MSRB3: variants seen among roughly 807,000 people sequenced by gnomAD.
MSRB3 encodes the protein methionine-R-sulfoxide reductase B3.
A neutral mutation model predicts 21.0 loss-of-function variants in MSRB3; 13 were observed. The ratio of observed to expected loss-of-function variants is 0.62; its 90% CI spans 0.40 to 0.98. The LOEUF is 0.98. MSRB3 is among the 50% of genes least tolerant of loss of function. The pLI is 0.00. For missense variants in MSRB3, 199 were observed against 230.3 expected (o/e 0.86, Z 0.88); for synonymous variants, 87 against 88.6 (o/e 0.98, Z 0.10).
At chr12:65,345,362 T>C (rs1876419147) in intron 4 of MSRB3, among the ~76,000 whole-genome samples, 1 of 152,056 alleles carries the variant, frequency 6.6e-6, no homozygotes, top group Non-Finnish European at 1.5e-5. Flanking sequence ...GATGGCTCAT[T>C]GGGAAACACC....
At chr12:65,451,723 G>A (rs1403043929) in intron 5 of MSRB3, among the ~76,000 whole-genome samples, 1 of 152,180 alleles carries the variant, frequency 6.6e-6, no homozygotes, top group Non-Finnish European at 1.5e-5. Flanking sequence ...AGTGCAGTGA[G>A]AAACTAGCAT....
chr12:65,350,154 T>G (rs1002276504), intron 4 of MSRB3, among the ~76,000 whole-genome samples: 2 of 151,798 alleles, frequency 1.3e-5, no homozygotes, highest in Non-Finnish European at 2.9e-5. Context: ...CAGCACCATT[T>G]ATTAAATAGG....
intron 6 of MSRB3, among the ~76,000 whole-genome samples, chr12:65,460,959 T>G (rs1344531098): frequency 6.6e-6 from 1 of 152,004 alleles, no homozygotes; most frequent in Non-Finnish European, 1.5e-5. Flanking sequence ...ATCCTCACTA[T>G]GCTTTATTTT....
Position 65,464,146 on chromosome 12 carries a change from C to T in MSRB3, c.*824C>T. 1 of 152,432 alleles carries T rather than the reference C, an allele frequency of 6.6e-6. No individual in the cohort carries two copies. Among genetic ancestry groups the T allele is most frequent in the Non-Finnish European group, 1.5e-5 (1 of 68,180 alleles). The allele number at this position is 152,432 out of a possible 1,614,324, so 9.4% of individuals were successfully genotyped here. A position where few individuals can be genotyped will look rare whatever the true frequency, so the allele number is the denominator to read the frequency against. On this transcript the variant is annotated 3_prime_UTR_variant, in exon 7 of 7. Coordinates refer to ENST00000308259, the MANE Select transcript of MSRB3 (RefSeq NM_001031679.3). ...AAAATTAGCCAGGCGTGGTGGTGGG[C>T]ACCTGTAGTCCCAGCTACTCAGGAG... is the stretch of plus-strand genomic sequence containing the variant.
intron 4 of MSRB3, among the ~76,000 whole-genome samples, chr12:65,351,923 A>T (rs896824632): frequency 6.6e-6 from 1 of 152,192 alleles, no homozygotes; most frequent in Non-Finnish European, 1.5e-5. Flanking sequence ...AAACTATTCC[A>T]ATCTATAGAA....
At chr12:65,416,329 G>A (rs142549566) in intron 5 of MSRB3, among the ~76,000 whole-genome samples, 11 of 152,262 alleles carry the variant, frequency 7.2e-5, no homozygotes, top group African/African-American at 9.6e-5. Flanking sequence ...CTATCTCCTC[G>A]TTCTAAACAG....
At chr12:65,300,701 C>T (rs576852591) in intron 1 of MSRB3, among the ~76,000 whole-genome samples, 72 of 152,306 alleles carry the variant, frequency 4.7e-4, no homozygotes, top group Admixed American at 8.5e-4. Flanking sequence ...TTTAGTTCTT[C>T]TTTGTACTGT....
At chr12:65,295,555 C>CT (rs968743350) in intron 1 of MSRB3, among the ~76,000 whole-genome samples, 18 of 147,196 alleles carry the variant, frequency 1.2e-4, no homozygotes, top group Admixed American at 2.0e-4. Context: ...TGATGTCTCC[C>CT]TTTTTTTTTT....
chr12:65,299,708 G>GTCT (rs1873195463), intron 1 of MSRB3, among the ~76,000 whole-genome samples: 1 of 152,172 alleles, frequency 6.6e-6, no homozygotes, highest in African/African-American at 2.4e-5. Flanking sequence ...TCTAGTTGGT[G>GTCT]TCTTCTAACC....
At chr12:65,458,054 G>T (rs1883169722) in intron 6 of MSRB3, among the ~76,000 whole-genome samples, 1 of 152,184 alleles carries the variant, frequency 6.6e-6, no homozygotes, top group African/African-American at 2.4e-5. Flanking sequence ...TCAGTCGGAT[G>T]TGTTATGTGG....
chr12:65,424,760 G>A (rs1881489815), intron 5 of MSRB3, among the ~76,000 whole-genome samples: 1 of 151,304 alleles, frequency 6.6e-6, no homozygotes, highest in African/African-American at 2.4e-5. Flanking sequence ...TTCCGCTTGT[G>A]CTTGAAGAGA....
chr12:65,327,865 C>T (rs562605644), intron 3 of MSRB3, among the ~76,000 whole-genome samples: 4 of 152,244 alleles, frequency 2.6e-5, no homozygotes, highest in African/African-American at 4.8e-5. Flanking sequence ...GATTTCTATC[C>T]GTTCTGTTGT....
At chr12:65,428,851 C>T (rs1159374741) in intron 5 of MSRB3, among the ~76,000 whole-genome samples, 3 of 152,148 alleles carry the variant, frequency 2.0e-5, no homozygotes, top group Non-Finnish European at 4.4e-5. Flanking sequence ...TTGTTTCGTG[C>T]CCCTACATAT....
intron 6 of MSRB3, chr12:65,454,228 C>T: frequency 2.5e-6 from 1 of 393,994 alleles, no homozygotes; most frequent in Non-Finnish European, 4.7e-6. Flanking sequence ...GTCGAGGCTG[C>T]AGTGAGCTGT....
intron 5 of MSRB3, among the ~76,000 whole-genome samples, chr12:65,380,295 G>A (rs1878868380): frequency 6.6e-6 from 1 of 152,134 alleles, no homozygotes; most frequent in Non-Finnish European, 1.5e-5. Flanking sequence ...TTTTTGTTGG[G>A]GGGTCCTGAT....
At chr12:65,364,630 G>C (rs1877902297) in intron 4 of MSRB3, among the ~76,000 whole-genome samples, 1 of 152,016 alleles carries the variant, frequency 6.6e-6, no homozygotes, top group African/African-American at 2.4e-5. Flanking sequence ...ATCCTTATTA[G>C]ATATGTATCT....
intron 5 of MSRB3, among the ~76,000 whole-genome samples, chr12:65,400,759 T>C (rs931660030): frequency 6.6e-6 from 1 of 152,224 alleles, no homozygotes; most frequent in African/African-American, 2.4e-5. Flanking sequence ...GTGCTATAAA[T>C]TTCCGTCTAA....
At chr12:65,312,681 T>A (rs538156135) in intron 2 of MSRB3, among the ~76,000 whole-genome samples, 62 of 152,198 alleles carry the variant, frequency 4.1e-4, no homozygotes, top group African/African-American at 1.5e-3. Context: ...AATGTAGCAA[T>A]TAGAAGTCTT....
chr12:65,294,743 C>G (rs1872856088), intron 1 of MSRB3, among the ~76,000 whole-genome samples: 1 of 150,694 alleles, frequency 6.6e-6, no homozygotes, highest in African/African-American at 2.4e-5. Context: ...TGATGACACT[C>G]TTTGTACTAT....
Sources: allele counts gnomAD v4.1 joint callset (sites outside exome capture counted in the v4.1 genomes callset), GRCh38; gene constraint gnomAD v4.1.1; transcripts MANE v1.5; gene names NCBI Gene and HGNC (gene_info 2026-07-23, HGNC 2026-07-21).